LST1: variants seen among roughly 807,000 people sequenced by gnomAD.
LST1 encodes the protein leukocyte specific transcript 1.
A neutral mutation model predicts 8.5 loss-of-function variants in LST1; 9 were observed. The observed-to-expected ratio is 1.06, with a 90% confidence interval of 0.64 to 1.85. LST1 has a LOEUF of 1.85. Ranked by LOEUF, LST1 falls within the 40% of genes most tolerant of loss-of-function variation. The pLI, the probability that LST1 is intolerant of heterozygous loss-of-function variation, is 0.00. For missense variants in LST1, 121 were observed against 117.1 expected, an observed-to-expected ratio of 1.03 and a Z score of -0.16; for synonymous variants, 53 against 50.4, an observed-to-expected ratio of 1.05 and a Z score of -0.21.
At chr6:31,588,002 A>T (rs1280026962) in intron 4 of LST1, 36 bp downstream of exon 4, 2 of 1,585,080 alleles carry the variant, frequency 1.3e-6, no homozygotes. Flanking sequence ...AGGGCAAGAG[A>T]GATCCTGAGT....
Position 31,588,700 on chromosome 6 carries a change from CCAGGCGGGTGGACAGGG to C in LST1, c.*25_*41del. 1 of 1,612,932 alleles carries C rather than the reference CCAGGCGGGTGGACAGGG, an allele frequency of 6.2e-7. No homozygotes were observed. On this transcript the variant is annotated 3_prime_UTR_variant, in exon 5 of 5. Coordinates refer to ENST00000438075, the MANE Select transcript of LST1 (RefSeq NM_205839.3). ...GAGCACCCCAGACACCTTCCTCAAC[CCAGGCGGGTGGACAGGG>C]TCCCCCTGTGGTCCAGCCAGTAAAA...
At chr6:31,587,877 G>T in intron 3 of LST1, 67 bp from the exon 4 acceptor site, 3 of 1,573,576 alleles carry the variant, frequency 1.9e-6, no homozygotes, top group Non-Finnish European at 2.6e-6. Context: ...TGCTGGTGGG[G>T]GGAGCCCGGG....
At position 31,588,757 on chromosome 6, in the gene LST1, A is replaced by G; in HGVS notation, c.*81A>G. On this transcript the variant is annotated 3_prime_UTR_variant, in exon 5 of 5. Coordinates refer to ENST00000438075, the MANE Select transcript of LST1 (RefSeq NM_205839.3). ...AGCCAGTAAAAACCATGGTCCCCCC[A>G]CTTCTGTGTCTCAGTCCTCTCAGTC... is the stretch of plus-strand genomic sequence containing the variant. 1 of 1,468,806 alleles carries G rather than the reference A, an allele frequency of 6.8e-7. No homozygotes were observed. The highest frequency in any genetic ancestry group is 9.5e-7 in the Non-Finnish European group (1 of 1,048,752). 91.0% of individuals were successfully genotyped at this position (1,468,806 alleles called of 1,614,324 possible).
chr6:31,587,852 A>C, intron 3 of LST1, 92 bp from the exon 4 acceptor site: 1 of 1,556,588 alleles, frequency 6.4e-7, no homozygotes, highest in Non-Finnish European at 8.7e-7. Context: ...GGAAGCCAAC[A>C]GGGGAGTCCA....
chr6:31,588,421 AGG>A, intron 4 of LST1, 95 bp from the exon 5 acceptor site: 2 of 1,271,708 alleles, frequency 1.6e-6, no homozygotes, highest in South Asian at 1.3e-5. Context: ...AGAGAGAGAG[AGG>A]GAGAGAAGTA....
rs1237867402 is a variant in LST1, at chr6:31,587,380, G to A, written c.19+62G>A. The A allele has an allele frequency of 3.2e-6, 5 of 1,578,144 alleles. No homozygotes were observed. In the African/African-American group the frequency reaches 5.4e-5, roughly 17 times the overall value. On this transcript the variant is annotated intron_variant, in intron 2 of 4. Transcript: ENST00000438075. ...TCCTGGGAGCTTAGGAAGTGATGGG[G>A]AACAGTGATGTATGCAGCTCATGAC... is the stretch of plus-strand genomic sequence containing the variant.
intron 3 of LST1, 41 bp downstream of exon 3, chr6:31,587,774 C>G: frequency 6.6e-7 from 1 of 1,507,928 alleles, no homozygotes; most frequent in Non-Finnish European, 9.0e-7. Flanking sequence ...AGCAGTGCCC[C>G]CTGTGCCCCC....
rs989728834 is a variant in LST1, at chr6:31,587,667, C to T, written c.46C>T (p.Leu16=). ...DDICIYGGLG[L]GGLLLLAVVL... ...TATATGTATCTACGGGGGCCTGGGG[C>T]TGGGCGGGCTCCTGCTTCTGGCAGT... The change falls in exon 3 of 5, where the codon CTG becomes TTG. Residue 16 remains leucine (L), a synonymous_variant. Transcript: ENST00000438075. The T allele has an allele frequency of 7.5e-6, 12 of 1,603,912 alleles. No homozygotes were observed. Among genetic ancestry groups the T allele is most frequent in the Admixed American group, 1.7e-5 (1 of 58,920 alleles).
At chr6:31,588,385 AGAGAGAGAGAGAGAGAGG>A (rs1772219784) in intron 4 of LST1, 115 bp from the exon 5 acceptor site, 7 of 833,916 alleles carry the variant, frequency 8.4e-6, no homozygotes, top group South Asian at 1.8e-5. Context: ...AGAGAGAGAG[AGAGAGAGAGAGAGAGAGG>A]GAGAGAGAGA....
chr6:31,587,641 A>G lies in LST1; in HGVS notation c.20A>G (p.Asp7Gly), dbSNP rs1227918789. 3 of 1,590,316 alleles carry G rather than the reference A, an allele frequency of 1.9e-6. No individual in the cohort carries two copies. In the African/African-American group the frequency reaches 4.0e-5, roughly 21 times the overall value. MLSRND[D>G]ICIYGGLGLG... ...TAACCTTGAGCCCTCTTCCCTGAAG[A>G]TATATGTATCTACGGGGGCCTGGGG... Residue 7 changes from aspartate to glycine, a missense_variant and splice_region_variant, in exon 3 of 5, where the codon GAT becomes GGT. Transcript: ENST00000438075.
In LST1 at chr6:31,587,424, G is replaced by A. The variant is rs945567174; in HGVS notation, c.19+106G>A. 27 of 1,336,360 alleles carry A rather than the reference G, an allele frequency of 2.0e-5. No individual in the cohort carries two copies. In the African/African-American group the frequency reaches 3.3e-4, roughly 16 times the overall value. The allele number at this position is 1,336,360 out of a possible 1,614,324, so 82.8% of individuals were successfully genotyped here. A position where few individuals can be genotyped will look rare whatever the true frequency, so the allele number is the denominator to read the frequency against. The stretch of plus-strand genomic sequence containing the variant: ...TCATGACTAGGTGGACAGGCCTCTG[G>A]GGACAGCTGGTACAGGAGGGAAAGG... On this transcript the variant is annotated intron_variant, in intron 2 of 4. Transcript: ENST00000438075.
At position 31,588,557 on chromosome 6, in the gene LST1, C is replaced by G. The variant is rs373940089; in HGVS notation, c.175C>G (p.Leu59Val). ...SSEQELHYAS[L>V]QRLPVPSSEG... is the part of the protein sequence containing the mutation. ...AGAGCAGGAACTCCACTATGCATCTCTGCAGAGGCTGCCAGTGCCCAGCAG... is the reference window on the plus strand; with the variant it reads ...AGAGCAGGAACTCCACTATGCATCTGTGCAGAGGCTGCCAGTGCCCAGCAG... Residue 59 changes from leucine (L) to valine (V), a missense_variant, in exon 5 of 5, where the codon CTG becomes GTG. Transcript: ENST00000438075. 6 of 1,612,106 alleles carry G rather than the reference C, an allele frequency of 3.7e-6. No individual in the cohort carries two copies. Among genetic ancestry groups the G allele is most frequent in the Non-Finnish European group, 5.1e-6 (6 of 1,179,620 alleles).
At chr6:31,588,438 A>G in intron 4 of LST1, 80 bp from the exon 5 acceptor site, 1 of 1,438,836 alleles carries the variant, frequency 7.0e-7, no homozygotes, top group African/African-American at 1.4e-5. Context: ...GAAGTAAGAA[A>G]GGCTGGAGGT....
rs765089661 is a variant in LST1 at position 31,587,663 on chromosome 6, G to A, written c.42G>A (p.Leu14=). ...AAGATATATGTATCTACGGGGGCCT[G>A]GGGCTGGGCGGGCTCCTGCTTCTGG... The part of the protein sequence containing the change: ...RNDDICIYGG[L]GLGGLLLLAV... Residue 14 remains leucine, a synonymous_variant, in exon 3 of 5, where the codon CTG becomes CTA. Transcript: ENST00000438075. The A allele has an allele frequency of 6.2e-7, 1 of 1,603,676 alleles. No individual in the cohort carries two copies. Among genetic ancestry groups the A allele is most frequent in the Non-Finnish European group, 8.5e-7 (1 of 1,175,968 alleles).
rs900171809 is a variant in LST1, at chr6:31,587,858, G to A, written c.113-86G>A. The A allele has an allele frequency of 6.4e-6, 10 of 1,562,800 alleles. No homozygotes were observed. In the African/African-American group the frequency reaches 1.2e-4, roughly 19 times the overall value. On this transcript the variant is annotated intron_variant, in intron 3 of 4. Coordinates refer to ENST00000438075, the MANE Select transcript of LST1 (RefSeq NM_205839.3). ...GAGCCACTGGGAAGCCAACAGGGGA[G>A]TCCACGCCTGCTGGTGGGGGGAGCC...
chr6:31,588,862 T>G lies in LST1; in HGVS notation c.*186T>G. The G allele has an allele frequency of 1.1e-6, 1 of 889,482 alleles. No homozygotes were observed. The highest frequency in any genetic ancestry group is 1.7e-6 in the Non-Finnish European group (1 of 589,456). The allele number at this position is 889,482 out of a possible 1,614,324, so 55.1% of individuals were successfully genotyped here. ...CCTTTGAATAGGGAATTTTTTAAAT[T>G]TTTTAAAAATTAAAATAAAAAAAAC... On this transcript the variant is annotated 3_prime_UTR_variant, in exon 5 of 5. Transcript: ENST00000438075.
Position 31,586,839 on chromosome 6 carries a change from C to T in LST1, c.-100-361C>T, listed in dbSNP as rs41273252. The T allele has an allele frequency of 9.4e-3, 1,600 of 170,856 alleles. 10 individuals are homozygous for T. Among genetic ancestry groups the T allele is most frequent in the South Asian group, 0.031 (221 of 7,186 alleles). 10.6% of individuals were successfully genotyped at this position (170,856 alleles called of 1,614,324 possible). ...TGATATCACCCTCCCTTCTTCCCCC[C>T]AGTGCCCACACCCACCCAGGCCCAG... On this transcript the variant is annotated intron_variant, in intron 1 of 4. Coordinates refer to ENST00000438075, the MANE Select transcript of LST1 (RefSeq NM_205839.3).
chr6:31,586,408 G>A (rs968353863), intron 1 of LST1, 93 bp downstream of exon 1: 2 of 152,222 alleles, frequency 1.3e-5, no homozygotes, highest in African/African-American at 4.8e-5. Flanking sequence ...GTATGGGTTT[G>A]AGTTTCCCTG....
intron 4 of LST1, chr6:31,588,228 G>A (rs1583077651): frequency 2.4e-6 from 1 of 410,198 alleles, no homozygotes; most frequent in Non-Finnish European, 4.5e-6. Context: ...CAATGAAAGA[G>A]AGAGAGAGAG....
Sources: allele counts gnomAD v4.1 joint callset, GRCh38; gene constraint gnomAD v4.1.1; transcripts MANE v1.5; gene names NCBI Gene and HGNC (gene_info 2026-07-23, HGNC 2026-07-21).